The following HPGDS variants were observed in gnomAD, a reference collection of about 807,000 sequenced individuals.
HPGDS encodes the protein hematopoietic prostaglandin D synthase.
A neutral mutation model predicts 23.1 loss-of-function variants in HPGDS; 26 were observed. The observed-to-expected ratio is 1.13, with a 90% CI of 0.83 to 1.56. HPGDS has a LOEUF of 1.56. Ranked by LOEUF, HPGDS falls within the 40% of genes most tolerant of loss-of-function variation. HPGDS has a pLI of 0.00. For missense variants in HPGDS, 268 were observed against 236.4 expected (o/e 1.13, Z -0.88); for synonymous variants, 95 against 77.9 (o/e 1.22, Z -1.16).
intron 3 of HPGDS, 25 bp from the exon 4 acceptor site, chr4:94,308,768 A>G (rs764534078): frequency 2.2e-5 from 26 of 1,207,864 alleles, no homozygotes; most frequent in Non-Finnish European, 2.7e-5. Flanking sequence ...GAGGCCCATC[A>G]ATATGTTTAA....
chr4:94,326,477 C>T (rs1051048602), intron 2 of HPGDS, among the ~76,000 whole-genome samples: 10 of 152,120 alleles, frequency 6.6e-5, no homozygotes, highest in East Asian at 1.9e-4. Flanking sequence ...AGAAATTCTT[C>T]GCTTGACCTA....
At chr4:94,335,851 G>A (rs2126046190) in intron 1 of HPGDS, among the ~76,000 whole-genome samples, 1 of 152,178 alleles carries the variant, frequency 6.6e-6, no homozygotes, top group East Asian at 1.9e-4. Flanking sequence ...GAATATTAAT[G>A]GAATACTAAT....
chr4:94,311,674 C>T (rs972657668), intron 3 of HPGDS, among the ~76,000 whole-genome samples: 1 of 151,382 alleles, frequency 6.6e-6, no homozygotes, highest in Non-Finnish European at 1.5e-5. Flanking sequence ...GGGAGGATTC[C>T]CTCTTTTTCT....
intron 4 of HPGDS, 29 bp from the exon 5 acceptor site, chr4:94,302,273 GA>G (rs1445766118): frequency 6.9e-7 from 1 of 1,452,288 alleles, no homozygotes; most frequent in African/African-American, 1.4e-5. Flanking sequence ...ATCACTTTAA[GA>G]ATAATGAGAA....
At chr4:94,319,343 C>A (rs1026575020) in intron 2 of HPGDS, among the ~76,000 whole-genome samples, 3 of 152,074 alleles carry the variant, frequency 2.0e-5, no homozygotes, top group East Asian at 1.9e-4. Flanking sequence ...CTCCTGCATG[C>A]TTTTGGTTCC....
intron 4 of HPGDS, among the ~76,000 whole-genome samples, chr4:94,305,065 A>G (rs34251419): frequency 1.3e-5 from 2 of 152,278 alleles, no homozygotes; most frequent in South Asian, 4.1e-4. Flanking sequence ...AGTAAAAACA[A>G]TTAACACCAA....
intron 2 of HPGDS, among the ~76,000 whole-genome samples, chr4:94,332,741 A>C (rs1756757225): frequency 6.6e-6 from 1 of 152,224 alleles, no homozygotes. Context: ...TGTCAGCTCA[A>C]CTTTTCGAGT....
intron 5 of HPGDS, among the ~76,000 whole-genome samples, chr4:94,301,918 T>G (rs1224312738): frequency 6.6e-6 from 1 of 152,104 alleles, no homozygotes; most frequent in Admixed American, 6.6e-5. Flanking sequence ...TTTGCTTTGA[T>G]TTTTAGGATA....
chr4:94,300,246 T>A (rs1475139638), intron 5 of HPGDS, among the ~76,000 whole-genome samples: 1 of 152,238 alleles, frequency 6.6e-6, no homozygotes, highest in East Asian at 1.9e-4. Context: ...AGTGAAATAT[T>A]TGTGGCTAAA....
At chr4:94,327,570 G>A (rs62320439) in intron 2 of HPGDS, among the ~76,000 whole-genome samples, 6 of 151,912 alleles carry the variant, frequency 3.9e-5, no homozygotes, top group Admixed American at 2.0e-4. Context: ...GCTGGTCCCC[G>A]GGCTTCATAA....
chr4:94,306,262 G>A (rs888726253), intron 4 of HPGDS, among the ~76,000 whole-genome samples: 3 of 152,108 alleles, frequency 2.0e-5, no homozygotes, highest in African/African-American at 4.8e-5. Flanking sequence ...TGTGATGAGC[G>A]TCCTAAAGGA....
chr4:94,308,580 T>C, intron 4 of HPGDS, 54 bp downstream of exon 4: 1 of 869,994 alleles, frequency 1.1e-6, no homozygotes, highest in Non-Finnish European at 1.9e-6. Context: ...CCTAACACAA[T>C]GTCTGGCAGG....
rs140638420 is a variant in HPGDS at position 94,330,725 on chromosome 4, G to A, written c.133+3772C>T. On this transcript the variant is annotated intron_variant, in intron 2 of 5. Coordinates refer to ENST00000295256, the MANE Select transcript of HPGDS (RefSeq NM_014485.3). ...TTTTTCATTTATTTGTCCTATTTTTGTACTTTTGGGAAAAATATCCTTATT... is the reference window on the plus strand; with the variant it reads ...TTTTTCATTTATTTGTCCTATTTTTATACTTTTGGGAAAAATATCCTTATT... Among the ~76,000 whole-genome samples, 841 of 151,596 alleles carry A rather than the reference G, an allele frequency of 5.5e-3. 4 individuals carry two copies. Among genetic ancestry groups the A allele is most frequent in the African/African-American group, 0.019 (785 of 41,288 alleles).
intron 3 of HPGDS, among the ~76,000 whole-genome samples, chr4:94,316,357 T>G (rs920773709): frequency 6.7e-6 from 1 of 148,404 alleles, no homozygotes; most frequent in Non-Finnish European, 1.5e-5. Flanking sequence ...GTCTATCTAC[T>G]GTCTCTAAGA....
chr4:94,323,459 A>G (rs1163946396), intron 2 of HPGDS, among the ~76,000 whole-genome samples: 2 of 152,344 alleles, frequency 1.3e-5, no homozygotes, highest in Middle Eastern at 3.4e-3. Context: ...TACCAGGTGC[A>G]TATATATTTA....
At chr4:94,309,049 G>GTTT (rs1756200928) in intron 3 of HPGDS, among the ~76,000 whole-genome samples, 1 of 31,218 alleles carries the variant, frequency 3.2e-5, no homozygotes, top group Admixed American at 3.2e-4. Flanking sequence ...GGGTGTACTT[G>GTTT]CTTTTTTTTT....
chr4:94,312,773 G>T (rs1756303299), intron 3 of HPGDS, among the ~76,000 whole-genome samples: 1 of 152,018 alleles, frequency 6.6e-6, no homozygotes, highest in Admixed American at 6.6e-5. Context: ...GGGAATCTCA[G>T]TCTCTTTGTA....
At chr4:94,301,927 T>C (rs1756048173) in intron 5 of HPGDS, among the ~76,000 whole-genome samples, 1 of 152,124 alleles carries the variant, frequency 6.6e-6, no homozygotes, top group Non-Finnish European at 1.5e-5. Flanking sequence ...ATTTTTAGGA[T>C]AGCTTTTTAA....
At chr4:94,308,260 G>A (rs536873891) in intron 4 of HPGDS, among the ~76,000 whole-genome samples, 1 of 152,016 alleles carries the variant, frequency 6.6e-6, no homozygotes, top group Non-Finnish European at 1.5e-5. Flanking sequence ...AAAACGTTTT[G>A]GAGTTTGGGG....
Sources: allele counts gnomAD v4.1 joint callset (sites outside exome capture counted in the v4.1 genomes callset), GRCh38; gene constraint gnomAD v4.1.1; transcripts MANE v1.5; gene names NCBI Gene and HGNC (gene_info 2026-07-23, HGNC 2026-07-21).